The following B3GALT1 variants were observed in gnomAD, a reference collection of about 807,000 sequenced individuals.
B3GALT1 encodes beta-1,3-galactosyltransferase 1.
A neutral mutation model predicts 23.2 loss-of-function variants in B3GALT1; 10 were observed. The ratio of observed to expected loss-of-function variants is 0.43; its 90% CI spans 0.27 to 0.73. The LOEUF is 0.73. B3GALT1 is among the 30% of genes least tolerant of loss of function. The pLI, the probability that B3GALT1 is intolerant of heterozygous loss-of-function variation, is 0.21. For synonymous variants in B3GALT1, 156 were observed against 141.5 expected, an observed-to-expected ratio of 1.10 and a Z score of -0.73; for missense variants, 299 against 405.4, an observed-to-expected ratio of 0.74 and a Z score of 2.25.
chr2:167,862,565 G>T (rs993317753), intron 4 of B3GALT1: 1 of 152,166 alleles, frequency 6.6e-6, no homozygotes, highest in Non-Finnish European at 1.5e-5. Flanking sequence ...TAATGTTTCA[G>T]CAGCTATCTG....
At chr2:167,672,190 A>G (rs74363040) in intron 3 of B3GALT1, among the ~76,000 whole-genome samples, 2,535 of 152,182 alleles carry the variant, frequency 0.017, 67 homozygotes, top group African/African-American at 0.057. Flanking sequence ...GAAACCTGCC[A>G]TTACCTCATT....
chr2:167,369,958 T>C (rs967978306), intron 1 of B3GALT1, among the ~76,000 whole-genome samples: 1 of 152,202 alleles, frequency 6.6e-6, no homozygotes, highest in Non-Finnish European at 1.5e-5. Flanking sequence ...TAAATATAAA[T>C]AGTAAGCCAG....
At chr2:167,688,079 C>T (rs1686646240) in intron 3 of B3GALT1, among the ~76,000 whole-genome samples, 1 of 151,996 alleles carries the variant, frequency 6.6e-6, no homozygotes, top group Non-Finnish European at 1.5e-5. Flanking sequence ...TATAATCACA[C>T]TATACATATT....
intron 1 of B3GALT1, among the ~76,000 whole-genome samples, chr2:167,378,182 A>T (rs528977190): frequency 4.6e-5 from 7 of 152,316 alleles, no homozygotes; most frequent in African/African-American, 1.7e-4. Context: ...GTTTCTGCTG[A>T]TAATTCCACT....
chr2:167,841,235 AAAG>A (rs900859329), intron 4 of B3GALT1, among the ~76,000 whole-genome samples: 4 of 151,918 alleles, frequency 2.6e-5, no homozygotes, highest in African/African-American at 9.7e-5. Context: ...AAAAAAAAAA[AAAG>A]AAAAGCCTTT....
At chr2:167,712,616 A>G (rs1000643029) in intron 3 of B3GALT1, among the ~76,000 whole-genome samples, 1 of 152,052 alleles carries the variant, frequency 6.6e-6, no homozygotes, top group East Asian at 1.9e-4. Context: ...CTTGCTCACT[A>G]ACCCTGTTGG....
chr2:167,352,582 G>A (rs1007735348), intron 1 of B3GALT1, among the ~76,000 whole-genome samples: 16 of 151,040 alleles, frequency 1.1e-4, no homozygotes, highest in South Asian at 2.1e-4. Flanking sequence ...AATGCTGGGC[G>A]TGGTGGCGGG....
At chr2:167,551,138 A>G (rs1006405164) in intron 2 of B3GALT1, among the ~76,000 whole-genome samples, 4 of 150,914 alleles carry the variant, frequency 2.7e-5, no homozygotes, top group Admixed American at 1.3e-4. Flanking sequence ...GTCATAAAGC[A>G]CAGCTAACTG....
chr2:167,656,653 T>C (rs1259619116), intron 3 of B3GALT1, among the ~76,000 whole-genome samples: 2 of 152,188 alleles, frequency 1.3e-5, no homozygotes, highest in African/African-American at 4.8e-5. Flanking sequence ...CATTCAGGCA[T>C]TGAATTGGCA....
chr2:167,559,102 T>C (rs1020044313), intron 2 of B3GALT1, among the ~76,000 whole-genome samples: 2 of 152,152 alleles, frequency 1.3e-5, no homozygotes, highest in East Asian at 1.9e-4. Flanking sequence ...GGTACTCCTC[T>C]GAGACAAAAC....
rs573644649 is a variant in B3GALT1 at position 167,525,616 on chromosome 2, T to G, written c.-410+35339T>G. ...TTTCAGATGTAGCCATTGGGAGCTC[T>G]TTCATTTTTTTTATTTTTTATTTGT... On this transcript the variant is annotated intron_variant, in intron 2 of 4. Coordinates refer to ENST00000392690, the MANE Select transcript of B3GALT1 (RefSeq NM_020981.4). Among the ~76,000 whole-genome samples the G allele has an allele frequency of 3.3e-5, 5 of 151,930 alleles. No individual in the cohort carries two copies. In the South Asian group the frequency reaches 1.0e-3, roughly 32 times the overall value.
chr2:167,482,034 T>C (rs1398072119), intron 1 of B3GALT1, among the ~76,000 whole-genome samples: 1 of 152,186 alleles, frequency 6.6e-6, no homozygotes, highest in Non-Finnish European at 1.5e-5. Flanking sequence ...ACAGCTGTTA[T>C]TTTCCCAAGA....
intron 4 of B3GALT1, among the ~76,000 whole-genome samples, 27 bp from the exon 5 acceptor site, chr2:167,868,784 G>T (rs1420651638): frequency 6.6e-6 from 1 of 152,054 alleles, no homozygotes; most frequent in Admixed American, 6.6e-5. Flanking sequence ...AAATCTAAGT[G>T]ACAACTGTAC....
intron 1 of B3GALT1, among the ~76,000 whole-genome samples, chr2:167,395,149 T>C (rs1291814955): frequency 7.2e-5 from 11 of 152,114 alleles, no homozygotes; most frequent in Non-Finnish European, 7.4e-5. Context: ...TGAATGCATT[T>C]TGCACGTGAG....
intron 1 of B3GALT1, among the ~76,000 whole-genome samples, chr2:167,472,219 T>C (rs996838141): frequency 2.6e-5 from 4 of 152,184 alleles, no homozygotes; most frequent in Admixed American, 6.6e-5. Context: ...AAGATGCCGT[T>C]ATGGGACTTG....
chr2:167,867,250 A>T (rs1310243306), intron 4 of B3GALT1, among the ~76,000 whole-genome samples: 1 of 150,754 alleles, frequency 6.6e-6, no homozygotes, highest in East Asian at 2.0e-4. Flanking sequence ...TTCTATTCCT[A>T]GTTTCTCTCA....
intron 2 of B3GALT1, among the ~76,000 whole-genome samples, chr2:167,569,904 G>T (rs1352477040): frequency 6.6e-6 from 1 of 151,810 alleles, no homozygotes; most frequent in Non-Finnish European, 1.5e-5. Flanking sequence ...TTATATTGAT[G>T]TGTATTATGT....
intron 1 of B3GALT1, among the ~76,000 whole-genome samples, chr2:167,474,660 C>T (rs1699466423): frequency 6.6e-6 from 1 of 152,098 alleles, no homozygotes; most frequent in African/African-American, 2.4e-5. Flanking sequence ...TGATTCTACT[C>T]CTGCAGTTAT....
At chr2:167,584,822 C>A (rs12990544) in intron 2 of B3GALT1, among the ~76,000 whole-genome samples, 4 of 152,166 alleles carry the variant, frequency 2.6e-5, no homozygotes, top group Non-Finnish European at 4.4e-5. Flanking sequence ...AGCTTACTTG[C>A]CCTCTCCAGT....
Sources: gnomAD v4.1 joint callset for allele counts (sites outside exome capture counted in the v4.1 genomes callset) on GRCh38, gnomAD v4.1.1 for gene constraint, MANE v1.5 for transcripts, NCBI Gene and HGNC (gene_info 2026-07-23, HGNC 2026-07-21) for gene names.